RBFOX1: variants seen among roughly 807,000 people sequenced by gnomAD.
RBFOX1 encodes RNA binding protein fox-1 homolog 1.
RBFOX1 carries 8 observed loss-of-function variants against 57.7 expected under a neutral mutation model. That is an observed-to-expected ratio of 0.14 (90% CI 0.08 to 0.25). The LOEUF is 0.25. RBFOX1 is among the 10% of genes least tolerant of loss of function. RBFOX1 has a pLI of 1.00. For missense variants in RBFOX1, 611 were observed against 548.5 expected (o/e 1.11, Z -1.14); for synonymous variants, 326 against 222.4 (o/e 1.47, Z -4.15).
At chr16:6,893,065 A>T (rs1388859109) in intron 3 of RBFOX1, among the ~76,000 whole-genome samples, 1 of 152,156 alleles carries the variant, frequency 6.6e-6, no homozygotes, top group Non-Finnish European at 1.5e-5. Context: ...TCTCTTCAGA[A>T]CTTGTAAAAG....
intron 2 of RBFOX1, among the ~76,000 whole-genome samples, chr16:5,562,845 C>A (rs567889335): frequency 6.9e-4 from 105 of 152,304 alleles, no homozygotes; most frequent in Non-Finnish European, 1.4e-3. Flanking sequence ...GGCAAACTAT[C>A]TGCTAACCAT....
intron 4 of RBFOX1, among the ~76,000 whole-genome samples, chr16:5,878,106 A>G (rs1243095942): frequency 6.6e-6 from 1 of 152,082 alleles, no homozygotes; most frequent in Non-Finnish European, 1.5e-5. Flanking sequence ...TAGCAAAGAG[A>G]TTGCTTTGGA....
intron 1 of RBFOX1, among the ~76,000 whole-genome samples, chr16:6,226,061 T>TA (rs1159492700): frequency 1.3e-5 from 2 of 152,072 alleles, no homozygotes; most frequent in African/African-American, 4.8e-5. Flanking sequence ...GTTCTTTGTG[T>TA]AAATTAGTAT....
intron 4 of RBFOX1, chr16:7,333,157 T>C: frequency 6.8e-7 from 1 of 1,461,976 alleles, no homozygotes; most frequent in Non-Finnish European, 9.6e-7. Flanking sequence ...GGAATTTTTA[T>C]GGTTGAGAAA....
intron 2 of RBFOX1, among the ~76,000 whole-genome samples, chr16:5,552,012 G>A (rs1477222620): frequency 6.6e-6 from 1 of 152,102 alleles, no homozygotes; most frequent in African/African-American, 2.4e-5. Flanking sequence ...ATTAGCTGTG[G>A]ATGAGTCATT....
chr16:6,142,506 C>T (rs1247828399), intron 1 of RBFOX1, among the ~76,000 whole-genome samples: 1 of 152,042 alleles, frequency 6.6e-6, no homozygotes, highest in East Asian at 1.9e-4. Flanking sequence ...CAGGCGTGAG[C>T]CACCATGCCT....
chr16:7,229,809 A>T, intron 4 of RBFOX1, among the ~76,000 whole-genome samples: 1 of 40,018 alleles, frequency 2.5e-5, no homozygotes. Context: ...AGGAAGGGAG[A>T]GAGAGGAAGG....
At chr16:6,800,002 T>C (rs1484972407) in intron 3 of RBFOX1, among the ~76,000 whole-genome samples, 2 of 152,162 alleles carry the variant, frequency 1.3e-5, no homozygotes, top group Admixed American at 1.3e-4. Context: ...AACACATATA[T>C]CCTATTAGTT....
At chr16:7,203,393 G>T (rs1210120365) in intron 4 of RBFOX1, among the ~76,000 whole-genome samples, 1 of 152,188 alleles carries the variant, frequency 6.6e-6, no homozygotes, top group African/African-American at 2.4e-5. Context: ...TAGGGGAAAG[G>T]ACAGTTATTG....
At chr16:6,917,178 C>G (rs1490977093) in intron 3 of RBFOX1, among the ~76,000 whole-genome samples, 4 of 152,266 alleles carry the variant, frequency 2.6e-5, no homozygotes, top group East Asian at 1.9e-4. Context: ...ACAGAGCAGA[C>G]TGAGTTTCTG....
chr16:6,029,299 C>G lies in RBFOX1; in HGVS notation c.-127+9307C>G, dbSNP rs62015781. On this transcript the variant is annotated intron_variant, in intron 1 of 15. Transcript: ENST00000550418. ...GTTCATAACAAGAACAAGGAACCAT[C>G]CACCCCATTCTATAAACTTATTTCT... 4.6e-3 allele frequency among the ~76,000 whole-genome samples: 702 copies of G among 152,318 alleles called. 5 individuals carry two copies. Among genetic ancestry groups the G allele is most frequent in the Non-Finnish European group, 7.8e-3 (532 of 68,030 alleles).
intron 2 of RBFOX1, among the ~76,000 whole-genome samples, chr16:6,416,190 A>T (rs955317256): frequency 1.3e-5 from 2 of 152,234 alleles, no homozygotes; most frequent in Admixed American, 1.3e-4. Flanking sequence ...TCTCTCGCTT[A>T]TGCGGAAGGA....
At chr16:6,429,035 T>G (rs937081614) in intron 2 of RBFOX1, among the ~76,000 whole-genome samples, 2 of 151,992 alleles carry the variant, frequency 1.3e-5, no homozygotes, top group Admixed American at 6.5e-5. Context: ...CTGTGCTGTT[T>G]CCTGGAAGAG....
intron 2 of RBFOX1, among the ~76,000 whole-genome samples, chr16:6,484,422 C>A (rs1193164225): frequency 1.3e-5 from 2 of 150,196 alleles, no homozygotes; most frequent in Non-Finnish European, 3.0e-5. Context: ...CAATACTGAA[C>A]ACGCTTCGAC....
chr16:5,960,134 G>A (rs1339797662), intron 4 of RBFOX1, among the ~76,000 whole-genome samples: 1 of 152,200 alleles, frequency 6.6e-6, no homozygotes, highest in Non-Finnish European at 1.5e-5. Context: ...CCAAGTGGCG[G>A]AGGCTGCAGT....
chr16:6,892,217 C>T (rs150001170), intron 3 of RBFOX1, among the ~76,000 whole-genome samples: 1 of 152,130 alleles, frequency 6.6e-6, no homozygotes, highest in Non-Finnish European at 1.5e-5. Context: ...AGCAGAACTT[C>T]CCCAGAGCTC....
intron 3 of RBFOX1, among the ~76,000 whole-genome samples, chr16:6,920,626 C>T (rs965791581): frequency 2.0e-5 from 3 of 152,108 alleles, no homozygotes; most frequent in African/African-American, 7.2e-5. Flanking sequence ...ATATTAGCTC[C>T]TTCTGGAAGC....
At chr16:6,275,610 A>C (rs903831986) in intron 1 of RBFOX1, among the ~76,000 whole-genome samples, 2 of 152,218 alleles carry the variant, frequency 1.3e-5, no homozygotes, top group African/African-American at 2.4e-5. Context: ...ATATAGTCCT[A>C]AAGTCTATAT....
intron 3 of RBFOX1, among the ~76,000 whole-genome samples, chr16:5,818,255 G>T (rs1430791173): frequency 6.6e-6 from 1 of 152,132 alleles, no homozygotes; most frequent in African/African-American, 2.4e-5. Context: ...CATCAGTTTT[G>T]CATATGAGGC....
Sources: allele counts gnomAD v4.1 joint callset (sites outside exome capture counted in the v4.1 genomes callset), GRCh38; gene constraint gnomAD v4.1.1; transcripts MANE v1.5; gene names NCBI Gene and HGNC (gene_info 2026-07-23, HGNC 2026-07-21).